The following NKAIN2 variants were observed in gnomAD, a reference collection of about 807,000 sequenced individuals.
NKAIN2 encodes sodium/potassium transporting ATPase interacting 2.
A neutral mutation model predicts 32.6 loss-of-function variants in NKAIN2; 14 were observed. The observed-to-expected ratio is 0.43, with a 90% confidence interval of 0.28 to 0.67. NKAIN2 has a LOEUF of 0.67. Ranked by LOEUF, NKAIN2 falls within the 30% of genes least tolerant of loss-of-function variation. The pLI is 0.17. For synonymous variants in NKAIN2, 80 were observed against 87.2 expected, an observed-to-expected ratio of 0.92 and a Z score of 0.46; for missense variants, 198 against 258.3, an observed-to-expected ratio of 0.77 and a Z score of 1.60.
At chr6:124,667,202 T>G (rs919349198) in intron 4 of NKAIN2, among the ~76,000 whole-genome samples, 7 of 152,132 alleles carry the variant, frequency 4.6e-5, no homozygotes, top group Admixed American at 1.3e-4. Flanking sequence ...CATATCACAT[T>G]CTAAGGAAAT....
chr6:124,139,666 TATG>T (rs1420220733), intron 1 of NKAIN2, among the ~76,000 whole-genome samples: 11 of 152,164 alleles, frequency 7.2e-5, no homozygotes, highest in Non-Finnish European at 1.5e-4. Context: ...ATAGAAGAAT[TATG>T]ATAAAATTTA....
intron 4 of NKAIN2, among the ~76,000 whole-genome samples, chr6:124,706,938 CCACT>C (rs1355087276): frequency 6.6e-6 from 1 of 151,590 alleles, no homozygotes; most frequent in Non-Finnish European, 1.5e-5. Flanking sequence ...TGCGCTGCAC[CCACT>C]AACTCGTCAT....
At chr6:124,452,393 A>G (rs923386288) in intron 3 of NKAIN2, among the ~76,000 whole-genome samples, 4 of 152,098 alleles carry the variant, frequency 2.6e-5, no homozygotes, top group African/African-American at 9.7e-5. Context: ...GCAAGAACAC[A>G]TTGAAACTTC....
At chr6:124,097,401 T>TAA (rs35090835) in intron 1 of NKAIN2, among the ~76,000 whole-genome samples, 194 of 132,456 alleles carry the variant, frequency 1.5e-3, no homozygotes, top group African/African-American at 4.9e-3. Context: ...GACTTCGTCT[T>TAA]AAAAAAAAAA....
At chr6:124,705,801 C>G (rs1211524425) in intron 4 of NKAIN2, among the ~76,000 whole-genome samples, 1 of 151,784 alleles carries the variant, frequency 6.6e-6, no homozygotes, top group African/African-American at 2.4e-5. Flanking sequence ...CAAAATAGTA[C>G]GGGTTAGAAA....
chr6:124,327,961 G>C (rs1293324540), intron 2 of NKAIN2, among the ~76,000 whole-genome samples: 3 of 152,140 alleles, frequency 2.0e-5, no homozygotes, highest in Non-Finnish European at 1.5e-5. Context: ...CAAATTTCAA[G>C]TATTTAGATA....
intron 1 of NKAIN2, among the ~76,000 whole-genome samples, chr6:123,850,262 G>A (rs1426691662): frequency 1.3e-5 from 2 of 150,700 alleles, no homozygotes; most frequent in East Asian, 3.9e-4. Flanking sequence ...TACACAGAGA[G>A]CTGACCTAAG....
chr6:124,151,685 G>A (rs187456469), intron 1 of NKAIN2, among the ~76,000 whole-genome samples: 2 of 152,004 alleles, frequency 1.3e-5, no homozygotes, highest in South Asian at 2.1e-4. Flanking sequence ...TTTCATTTTA[G>A]CAATCTAACT....
intron 2 of NKAIN2, among the ~76,000 whole-genome samples, chr6:124,331,370 A>AAC (rs1797648193): frequency 6.9e-6 from 1 of 144,432 alleles, no homozygotes; most frequent in African/African-American, 2.6e-5. Flanking sequence ...AAAAAAAAAA[A>AAC]AAAAAAAAAC....
At chr6:124,815,260 ATGTG>A (rs1336248920) in intron 5 of NKAIN2, among the ~76,000 whole-genome samples, 1 of 145,756 alleles carries the variant, frequency 6.9e-6, no homozygotes, top group African/African-American at 2.5e-5. Flanking sequence ...GTATATATAT[ATGTG>A]TATATATATG....
intron 3 of NKAIN2, among the ~76,000 whole-genome samples, chr6:124,439,629 G>A (rs1055931683): frequency 1.9e-4 from 27 of 144,186 alleles, no homozygotes; most frequent in Admixed American, 1.6e-3. Context: ...ATTTGTTTCC[G>A]TTTTTTTTTT....
chr6:123,823,615 C>T (rs554407107), intron 1 of NKAIN2, among the ~76,000 whole-genome samples: 1 of 152,024 alleles, frequency 6.6e-6, no homozygotes, highest in South Asian at 2.1e-4. Context: ...CAGTCTTGGG[C>T]CTTATCAACA....
chr6:124,771,270 T>C (rs1185126416), intron 4 of NKAIN2, among the ~76,000 whole-genome samples: 1 of 152,204 alleles, frequency 6.6e-6, no homozygotes, highest in South Asian at 2.1e-4. Context: ...ATTCATATTG[T>C]TTATAGAAGA....
In NKAIN2 at chr6:124,805,517, G is replaced by C. The variant is rs377228589; in HGVS notation, c.536-12870G>C. The stretch of plus-strand genomic sequence containing the variant: ...ACATCACCATCATCAAAGACCAAAA[G>C]TACATAAAACCACAAAGATGGGGAA... On this transcript the variant is annotated intron_variant, in intron 5 of 6. Transcript: ENST00000368417. Among the ~76,000 whole-genome samples, 10 of 152,034 alleles carry C rather than the reference G, an allele frequency of 6.6e-5. No individual in the cohort carries two copies. In the East Asian group the frequency reaches 9.7e-4, roughly 15 times the overall value.
At chr6:124,147,869 C>T (rs908189103) in intron 1 of NKAIN2, among the ~76,000 whole-genome samples, 2 of 151,966 alleles carry the variant, frequency 1.3e-5, no homozygotes, top group African/African-American at 4.8e-5. Flanking sequence ...AGCTTTGTTT[C>T]TTTTTTATAT....
chr6:124,128,686 A>G (rs1387616523), intron 1 of NKAIN2, among the ~76,000 whole-genome samples: 1 of 152,194 alleles, frequency 6.6e-6, no homozygotes, highest in East Asian at 1.9e-4. Context: ...GTGTCTCCCC[A>G]TCTTTAAGTT....
In NKAIN2 at chr6:124,397,285, T is replaced by A. The variant is rs556062132; in HGVS notation, c.273+41938T>A. Among the ~76,000 whole-genome samples, 18 of 152,176 alleles carry A rather than the reference T, an allele frequency of 1.2e-4. No individual in the cohort carries two copies. The South Asian group carries it at 3.5e-3, about 30-fold the overall frequency. On this transcript the variant is annotated intron_variant, in intron 3 of 6. Coordinates refer to ENST00000368417, the MANE Select transcript of NKAIN2 (RefSeq NM_001040214.3). ...ATAATATAAATAAATGTAATTATAA[T>A]TTTTCAGTAATTTCTGATAATTATT...
intron 4 of NKAIN2, among the ~76,000 whole-genome samples, chr6:124,732,719 CTG>C (rs1262447857): frequency 6.6e-6 from 1 of 151,892 alleles, no homozygotes. Context: ...TTGGGAGAAA[CTG>C]TGTAGAGTAT....
chr6:124,474,057 C>A (rs144024511), intron 3 of NKAIN2, among the ~76,000 whole-genome samples: 1 of 151,862 alleles, frequency 6.6e-6, no homozygotes, highest in African/African-American at 2.4e-5. Context: ...CAGTGGAAGC[C>A]AAAGCACAAT....
Sources: gnomAD v4.1 joint callset for allele counts (sites outside exome capture counted in the v4.1 genomes callset) on GRCh38, gnomAD v4.1.1 for gene constraint, MANE v1.5 for transcripts, NCBI Gene and HGNC (gene_info 2026-07-23, HGNC 2026-07-21) for gene names.